Variants in VDAC1 observed in about 807,000 individuals in gnomAD.
VDAC1 encodes voltage dependent anion channel 1.
VDAC1 carries 10 observed loss-of-function variants against 34.7 expected under a neutral mutation model. That is an observed-to-expected ratio of 0.29 (90% CI 0.18 to 0.49). The LOEUF (loss-of-function observed/expected upper bound fraction) is 0.49. Ranked by LOEUF, VDAC1 falls within the 20% of genes least tolerant of loss-of-function variation. The pLI is 0.99. For synonymous variants in VDAC1, 130 were observed against 136.0 expected, an observed-to-expected ratio of 0.96 and a Z score of 0.30; for missense variants, 230 against 347.9, an observed-to-expected ratio of 0.66 and a Z score of 2.69.
the VDAC1 span, among the ~76,000 whole-genome samples, chr5:134,047,014 AGAAGTGGGAGAAGT>A: frequency 6.6e-6 from 1 of 152,224 alleles, no homozygotes; most frequent in African/African-American, 2.4e-5. Flanking sequence ...TAATTCAGGT[AGAAGTGGGAGAAGT>A]GAGGGCAGGG....
the VDAC1 span, among the ~76,000 whole-genome samples, chr5:134,073,002 G>C: frequency 1.3e-5 from 2 of 152,150 alleles, no homozygotes; most frequent in East Asian, 3.8e-4. Context: ...CTCACTGCAC[G>C]GGGGTGGGCG....
chr5:133,976,798 C>T (rs56400519), intron 6 of VDAC1, among the ~76,000 whole-genome samples: 7,714 of 152,174 alleles, frequency 0.051, 223 homozygotes, highest in East Asian at 0.13. Flanking sequence ...AATCCCAGCA[C>T]TTTGGGAGGC....
the VDAC1 span, among the ~76,000 whole-genome samples, chr5:134,046,192 AT>A: frequency 0.68 from 102,981 of 150,660 alleles, 35,969 homozygotes; most frequent in Admixed American, 0.78. Flanking sequence ...CGCCCAGCTC[AT>A]TTTTTTTCTA....
chr5:134,003,836 T>C (rs1403570748), intron 1 of VDAC1, among the ~76,000 whole-genome samples: 2 of 152,242 alleles, frequency 1.3e-5, no homozygotes, highest in Admixed American at 6.5e-5. Context: ...CCCAGCTGTG[T>C]GACCTTGTAC....
At chr5:134,077,932 T>C in the VDAC1 span, among the ~76,000 whole-genome samples, 1 of 152,216 alleles carries the variant, frequency 6.6e-6, no homozygotes, top group African/African-American at 2.4e-5. Context: ...ACCCTTCCCT[T>C]TGGGCCTGCC....
the VDAC1 span, among the ~76,000 whole-genome samples, chr5:134,063,331 T>C: frequency 3.3e-5 from 5 of 152,192 alleles, no homozygotes; most frequent in African/African-American, 1.2e-4. Flanking sequence ...TAGGGAGGGT[T>C]GATTTATATG....
At chr5:134,011,030 G>A in the VDAC1 span, among the ~76,000 whole-genome samples, 4 of 150,614 alleles carry the variant, frequency 2.7e-5, no homozygotes, top group African/African-American at 9.8e-5. Context: ...AGTATACAGT[G>A]CAGTATTGTT....
intron 2 of VDAC1, among the ~76,000 whole-genome samples, chr5:133,992,657 A>C (rs1000497875): frequency 3.3e-5 from 5 of 152,288 alleles, no homozygotes; most frequent in Non-Finnish European, 1.5e-5. Flanking sequence ...GCCTAAGCAC[A>C]GGCTAAATAT....
At chr5:133,996,767 A>G (rs1753331367) in intron 1 of VDAC1, among the ~76,000 whole-genome samples, 1 of 152,190 alleles carries the variant, frequency 6.6e-6, no homozygotes, top group East Asian at 1.9e-4. Flanking sequence ...ATGGGGAAAA[A>G]AGTAGAAACT....
At chr5:133,995,919 C>T (rs1753283872) in intron 1 of VDAC1, among the ~76,000 whole-genome samples, 1 of 152,142 alleles carries the variant, frequency 6.6e-6, no homozygotes, top group Non-Finnish European at 1.5e-5. Flanking sequence ...AACCCTGGCC[C>T]CCACCCCTCC....
intron 5 of VDAC1, among the ~76,000 whole-genome samples, chr5:133,984,401 G>A (rs1013203537): frequency 7.0e-6 from 1 of 142,036 alleles, no homozygotes; most frequent in Non-Finnish European, 1.5e-5. Flanking sequence ...GACTATAGGC[G>A]CTCACCACAA....
chr5:133,996,057 G>A (rs1455504552), intron 1 of VDAC1, among the ~76,000 whole-genome samples: 1 of 152,236 alleles, frequency 6.6e-6, no homozygotes, highest in African/African-American at 2.4e-5. Flanking sequence ...GGCTGCGCAT[G>A]AAGCAGGGCA....
Position 133,975,944 on chromosome 5 carries a change from C to T in VDAC1, c.629G>A (p.Trp210Ter). 1 of 1,613,422 alleles carries T rather than the reference C, an allele frequency of 6.2e-7. No individual in the cohort carries two copies. The highest frequency in any genetic ancestry group is 8.5e-7 in the Non-Finnish European group (1 of 1,179,936). The change falls in exon 7 of 9, where the codon TGG becomes TAG. Residue 210 changes from tryptophan (W) to a stop codon, truncating the protein, a stop_gained. Transcript: ENST00000265333. LOFTEE classifies it high-confidence loss of function. Reference sequence around the variant, plus strand: ...GCGCGTGTTACTGTTTCCTGCTGTCCAGGCAAGATTGACAGCGGTCTCCAA... The same window carrying T: ...GCGCGTGTTACTGTTTCCTGCTGTCTAGGCAAGATTGACAGCGGTCTCCAA... Reference protein sequence around the residue: ...KKLETAVNLAWTAGNSNTRFG... With the variant: ...KKLETAVNLA
chr5:134,092,413 G>T, the VDAC1 span, among the ~76,000 whole-genome samples: 1 of 152,198 alleles, frequency 6.6e-6, no homozygotes, highest in South Asian at 2.1e-4. Context: ...GAGGTGTGTG[G>T]AAGAGCTCCG....
chr5:134,031,776 C>A, the VDAC1 span, among the ~76,000 whole-genome samples: 8 of 151,894 alleles, frequency 5.3e-5, no homozygotes, highest in Non-Finnish European at 1.0e-4. Flanking sequence ...CATGGCGAAA[C>A]CCCATCTCTA....
chr5:134,013,938 T>G, the VDAC1 span, among the ~76,000 whole-genome samples: 26 of 147,624 alleles, frequency 1.8e-4, no homozygotes, highest in Admixed American at 1.1e-3. Context: ...TGAGACTCCG[T>G]CTCCCATCCC....
At chr5:134,030,016 A>G in the VDAC1 span, among the ~76,000 whole-genome samples, 1 of 152,102 alleles carries the variant, frequency 6.6e-6, no homozygotes, top group Non-Finnish European at 1.5e-5. Context: ...ACTTTTTGCA[A>G]CTTCCTGGAA....
chr5:134,044,009 G>C, the VDAC1 span, among the ~76,000 whole-genome samples: 6 of 152,142 alleles, frequency 3.9e-5, no homozygotes, highest in African/African-American at 7.2e-5. Flanking sequence ...AAGAGACGTT[G>C]ATCAACCAGC....
chr5:134,049,743 A>T, the VDAC1 span, among the ~76,000 whole-genome samples: 11 of 151,848 alleles, frequency 7.2e-5, no homozygotes, highest in Admixed American at 3.9e-4. Context: ...CCACATCTGG[A>T]TAATTTTTGT....
Sources: allele counts gnomAD v4.1 joint callset (sites outside exome capture counted in the v4.1 genomes callset), GRCh38; gene constraint gnomAD v4.1.1; transcripts MANE v1.5; gene names NCBI Gene and HGNC (gene_info 2026-07-23, HGNC 2026-07-21).